The following REPS2 variants were observed in gnomAD, a reference collection of about 807,000 sequenced individuals.
REPS2 encodes RALBP1 associated Eps domain containing 2, also known as ralBP1-associated Eps domain-containing protein 2.
REPS2 carries 23 observed loss-of-function variants against 53.6 expected under a neutral mutation model. The ratio of observed to expected loss-of-function variants is 0.43; its 90% CI spans 0.31 to 0.61. The LOEUF (loss-of-function observed/expected upper bound fraction) is 0.61. Among genes scored for constraint, REPS2 ranks in the 20% least tolerant of loss-of-function variants. The pLI, the probability that REPS2 is intolerant of heterozygous loss-of-function variation, is 0.11. For missense variants in REPS2, 446 were observed against 534.9 expected (o/e 0.83, Z 1.64); for synonymous variants, 238 against 218.6 (o/e 1.09, Z -0.78).
At chrX:17,053,874 T>G (rs1242493176) in intron 7 of REPS2, among the ~76,000 whole-genome samples, 1 of 111,458 alleles carries the variant, frequency 9.0e-6, no homozygotes, top group Non-Finnish European at 1.9e-5. Context: ...GCATTCGAAA[T>G]TGGAGGAGGA....
intron 1 of REPS2, among the ~76,000 whole-genome samples, chrX:16,965,184 A>T (rs1207676758): frequency 4.2e-3 from 276 of 65,265 alleles, no homozygotes; most frequent in South Asian, 8.8e-3. Context: ...GGCAGGGCAG[A>T]GTGGCTCCTC....
chrX:17,138,030 G>C (rs553121371), intron 16 of REPS2: 3 of 112,575 alleles, frequency 2.7e-5, no homozygotes, highest in Admixed American at 1.9e-4. Context: ...AACATCAGTT[G>C]CTCTTTTGCT....
intron 1 of REPS2, among the ~76,000 whole-genome samples, chrX:16,951,545 ACACACACACACACACC>A (rs758723430): frequency 0.15 from 7,181 of 48,478 alleles, 373 homozygotes; most frequent in South Asian, 0.36. Flanking sequence ...ACACACACAC[ACACACACACACACACC>A]CCCGCTACCT....
chrX:17,004,375 T>G (rs773298013), intron 1 of REPS2, among the ~76,000 whole-genome samples: 26 of 107,799 alleles, frequency 2.4e-4, no homozygotes, highest in African/African-American at 8.5e-4. Flanking sequence ...TAGAAAACTT[T>G]GAACCTTGAT....
intron 6 of REPS2, among the ~76,000 whole-genome samples, chrX:17,050,136 T>TCC (rs1470581726): frequency 0.028 from 1,160 of 41,790 alleles, 57 homozygotes; most frequent in African/African-American, 0.071. Flanking sequence ...CTTTCTTCCT[T>TCC]TCTTCCTTTC....
At chrX:17,063,562 G>A (rs1282325351) in intron 9 of REPS2, among the ~76,000 whole-genome samples, 1 of 111,695 alleles carries the variant, frequency 9.0e-6, no homozygotes, top group Admixed American at 9.5e-5. Flanking sequence ...GTCCTCCATG[G>A]TACTTTCCTC....
rs761740061 is a variant in REPS2 at position 16,977,543 on chromosome X, A to G, written c.274-28678A>G. On this transcript the variant is annotated intron_variant, in intron 1 of 17. Coordinates refer to ENST00000357277, the MANE Select transcript of REPS2 (RefSeq NM_004726.3). ...GCCTGGGCGACATAGGAAGACCCCC[A>G]TCTCTAAAAAATTTTTAAAAAATCT... Among the ~76,000 whole-genome samples, 3 of 108,908 alleles carry G rather than the reference A, an allele frequency of 2.8e-5. No individual in the cohort carries two copies. The East Asian group carries it at 8.7e-4, about 32-fold the overall frequency. The allele number at this position is 108,908 out of a possible 115,157, so 94.6% of individuals were successfully genotyped here. A position where few individuals can be genotyped will look rare whatever the true frequency, so the allele number is the denominator to read the frequency against.
intron 1 of REPS2, among the ~76,000 whole-genome samples, chrX:16,998,419 A>G (rs2061258713): frequency 8.9e-6 from 1 of 112,296 alleles, no homozygotes; most frequent in African/African-American, 3.2e-5. Context: ...AAATATAAGT[A>G]AATGCATCTA....
chrX:17,078,228 T>G (rs1483667125), intron 13 of REPS2, among the ~76,000 whole-genome samples: 1 of 111,950 alleles, frequency 8.9e-6, no homozygotes, highest in Non-Finnish European at 1.9e-5. Flanking sequence ...TCCTGGAACT[T>G]TTTCTCCATC....
chrX:17,094,088 T>G (rs1359327357), intron 13 of REPS2, among the ~76,000 whole-genome samples: 1 of 112,256 alleles, frequency 8.9e-6, no homozygotes, highest in African/African-American at 3.2e-5. Flanking sequence ...TCTCTTTCTT[T>G]GTTTACTTTC....
At chrX:17,157,211 A>T (rs1421237134), downstream of REPS2, among the ~76,000 whole-genome samples, 1 of 111,633 alleles carries the variant, frequency 9.0e-6, no homozygotes, top group African/African-American at 3.3e-5. Context: ...CAAGGACATC[A>T]CCTTGTATTT....
intron 1 of REPS2, among the ~76,000 whole-genome samples, chrX:16,964,078 G>A (rs868428797): frequency 9.5e-6 from 1 of 105,137 alleles, no homozygotes; most frequent in Admixed American, 1.0e-4. Context: ...TTCTCGCAGA[G>A]GGGGATTTGG....
At chrX:17,153,794 C>T (rs894111759), downstream of REPS2, among the ~76,000 whole-genome samples, 7 of 111,243 alleles carry the variant, frequency 6.3e-5, no homozygotes, top group African/African-American at 2.3e-4. Context: ...TATTTCCAAT[C>T]TAGTAGTCCC....
chrX:17,050,291 G>C (rs2061983970), intron 6 of REPS2, among the ~76,000 whole-genome samples: 1 of 99,072 alleles, frequency 1.0e-5, no homozygotes, highest in Non-Finnish European at 2.0e-5. Flanking sequence ...CTGGGCTCAA[G>C]TGATCCTCCC....
chrX:17,074,084 A>C, intron 11 of REPS2, 30 bp from the exon 12 acceptor site: 1 of 1,200,059 alleles, frequency 8.3e-7, no homozygotes, highest in Non-Finnish European at 1.1e-6. Context: ...TAACTGCAGA[A>C]ATGAAACCCA....
intron 1 of REPS2, among the ~76,000 whole-genome samples, chrX:17,005,603 G>T (rs987660580): frequency 2.7e-5 from 3 of 111,645 alleles, no homozygotes; most frequent in Non-Finnish European, 5.6e-5. Context: ...AGGAGCTACA[G>T]AAAAGTAACA....
At chrX:17,085,236 G>A (rs1301862120) in intron 13 of REPS2, among the ~76,000 whole-genome samples, 1 of 112,126 alleles carries the variant, frequency 8.9e-6, no homozygotes, top group African/African-American at 3.2e-5. Flanking sequence ...TGGTCTATAG[G>A]TCTATCCTTA....
chrX:17,137,294 T>TA (rs1455759006), intron 16 of REPS2: 3 of 112,038 alleles, frequency 2.7e-5, no homozygotes, highest in African/African-American at 6.5e-5. Flanking sequence ...TGTCAACACT[T>TA]ATCTTTTTTT....
intron 2 of REPS2, among the ~76,000 whole-genome samples, chrX:17,013,470 C>G (rs2061452971): frequency 9.0e-6 from 1 of 111,401 alleles, no homozygotes; most frequent in Non-Finnish European, 1.9e-5. Context: ...GTGGGGTTCC[C>G]TGTGCTTTGC....
Sources: allele counts gnomAD v4.1 joint callset (sites outside exome capture counted in the v4.1 genomes callset), GRCh38; gene constraint gnomAD v4.1.1; transcripts MANE v1.5; gene names NCBI Gene and HGNC (gene_info 2026-07-23, HGNC 2026-07-21).